The following PRCP variants were observed in gnomAD, a reference collection of about 807,000 sequenced individuals.
PRCP encodes lysosomal Pro-X carboxypeptidase.
Under a neutral mutation model 54.2 loss-of-function variants are expected in PRCP, and 46 were observed. The observed-to-expected ratio is 0.85, with a 90% CI of 0.67 to 1.09. PRCP has a LOEUF of 1.09. Ranked by LOEUF, PRCP falls within the 50% of genes least tolerant of loss-of-function variation. The probability of loss-of-function intolerance (pLI) is 0.00; values close to 1 mark genes in which losing one functional copy is unlikely to be tolerated. For synonymous variants in PRCP, 240 were observed against 212.2 expected, an observed-to-expected ratio of 1.13 and a Z score of -1.14; for missense variants, 613 against 596.8, an observed-to-expected ratio of 1.03 and a Z score of -0.28.
chr11:82,849,972 T>C lies in PRCP; in HGVS notation c.693A>G (p.Pro231=). The change falls in exon 5 of 9, where the codon CCA becomes CCG. Residue 231 remains proline, a synonymous_variant. Transcript: ENST00000313010. ...IVTTDFRKSG[P]HCSESIHRSW... The stretch of plus-strand genomic sequence containing the variant: ...ACCTGTGGATGCTCTCTGAACAATG[T>C]GGACCGCTTTTCCTAAAATCTGTAG... The C allele has an allele frequency of 1.3e-6, 2 of 1,545,810 alleles. No homozygotes were observed. Among genetic ancestry groups the C allele is most frequent in the Non-Finnish European group, 8.7e-7 (1 of 1,143,988 alleles).
At chr11:82,899,503 A>C (rs1860201729) in intron 1 of PRCP, among the ~76,000 whole-genome samples, 1 of 152,236 alleles carries the variant, frequency 6.6e-6, no homozygotes, top group South Asian at 2.1e-4. Context: ...CTGAACTGTA[A>C]GGATTACTTG....
chr11:82,847,962 A>C (rs1327665206), intron 6 of PRCP, among the ~76,000 whole-genome samples: 1 of 152,210 alleles, frequency 6.6e-6, no homozygotes, highest in East Asian at 1.9e-4. Context: ...GTTGAAATTC[A>C]TTCTAATTCA....
chr11:82,890,709 C>T (rs528656399), intron 1 of PRCP, among the ~76,000 whole-genome samples: 126 of 152,364 alleles, frequency 8.3e-4, no homozygotes, highest in Admixed American at 2.0e-3. Context: ...TCCAATGAGG[C>T]TTTCGCCTCC....
chr11:82,883,325 C>G (rs1433683926), intron 1 of PRCP, among the ~76,000 whole-genome samples: 1 of 152,124 alleles, frequency 6.6e-6, no homozygotes, highest in South Asian at 2.1e-4. Flanking sequence ...GAAAGATGAA[C>G]AGGAGTTTGC....
intron 1 of PRCP, among the ~76,000 whole-genome samples, chr11:82,869,927 G>A (rs1360715448): frequency 6.6e-6 from 1 of 152,228 alleles, no homozygotes; most frequent in East Asian, 1.9e-4. Flanking sequence ...GACTGCTGAG[G>A]AAGCAGGAAA....
intron 1 of PRCP, among the ~76,000 whole-genome samples, chr11:82,884,490 G>A (rs776053042): frequency 2.6e-5 from 4 of 152,118 alleles, no homozygotes; most frequent in East Asian, 1.9e-4. Context: ...CCGGGATGTC[G>A]AGGCTGCAGT....
chr11:82,848,347 C>G (rs894643067), intron 6 of PRCP, among the ~76,000 whole-genome samples: 2 of 152,190 alleles, frequency 1.3e-5, no homozygotes, highest in Non-Finnish European at 2.9e-5. Flanking sequence ...TGTAATGTGT[C>G]CTTATACTTT....
chr11:82,891,134 C>A (rs1256868767), intron 1 of PRCP, among the ~76,000 whole-genome samples: 3 of 152,154 alleles, frequency 2.0e-5, no homozygotes, highest in Non-Finnish European at 4.4e-5. Context: ...TCCTTCCTTC[C>A]CCAAACCTAC....
intron 2 of PRCP, among the ~76,000 whole-genome samples, chr11:82,859,565 T>TATGCTTG (rs1443403626): frequency 3.3e-5 from 5 of 152,140 alleles, no homozygotes; most frequent in African/African-American, 1.2e-4. Flanking sequence ...GTTTCCCTTA[T>TATGCTTG]ATGCTTGTTC....
chr11:82,849,164 G>A lies in PRCP; in HGVS notation c.806C>T (p.Ser269Phe), dbSNP rs1858883885. 4.3e-6 allele frequency: 7 copies of A among 1,614,106 alleles called. No homozygotes were observed. The highest frequency in any genetic ancestry group is 5.9e-6 in the Non-Finnish European group (7 of 1,179,978). The change falls in exon 6 of 9, where the codon TCT becomes TTT. Residue 269 changes from serine (S) to phenylalanine (F), a missense_variant. Physicochemically the swap from Ser to Phe is radical, Grantham distance 155. Transcript: ENST00000313010. Reference protein sequence around the residue: ...GALHLCSPLTSQDIQHLKDWI... With the variant: ...GALHLCSPLTFQDIQHLKDWI... Reference sequence around the variant, plus strand: ...GTCTTTCAAATGTTGGATGTCCTGAGAAGTTAATGGGCTGCATAAGTGAAG... The same window carrying A: ...GTCTTTCAAATGTTGGATGTCCTGAAAAGTTAATGGGCTGCATAAGTGAAG...
At chr11:82,872,968 T>C (rs1859513857) in intron 1 of PRCP, among the ~76,000 whole-genome samples, 1 of 151,894 alleles carries the variant, frequency 6.6e-6, no homozygotes, top group African/African-American at 2.4e-5. Context: ...AGAATGGTAC[T>C]GGATGAGGCT....
intron 1 of PRCP, among the ~76,000 whole-genome samples, chr11:82,881,049 C>G (rs1475151998): frequency 1.3e-5 from 2 of 152,174 alleles, no homozygotes; most frequent in African/African-American, 4.8e-5. Flanking sequence ...GCTTTTGCTT[C>G]CAGGTCTTAC....
chr11:82,892,897 T>C (rs1197129879), intron 1 of PRCP, among the ~76,000 whole-genome samples: 3 of 152,184 alleles, frequency 2.0e-5, no homozygotes, highest in Non-Finnish European at 2.9e-5. Flanking sequence ...CTTCAGGGTA[T>C]AGTCATCTAT....
intron 1 of PRCP, among the ~76,000 whole-genome samples, chr11:82,862,453 T>C (rs1859228005): frequency 1.3e-5 from 2 of 152,322 alleles, no homozygotes; most frequent in East Asian, 3.9e-4. Flanking sequence ...GCACCCAGTC[T>C]GGGTCAGACA....
chr11:82,891,515 C>T (rs918619512), intron 1 of PRCP, among the ~76,000 whole-genome samples: 8 of 152,190 alleles, frequency 5.3e-5, no homozygotes, highest in Non-Finnish European at 8.8e-5. Flanking sequence ...TTCTGATTTA[C>T]GGCCAAATTC....
chr11:82,845,034 T>TA (rs11348532), intron 6 of PRCP, among the ~76,000 whole-genome samples: 2,380 of 116,740 alleles, frequency 0.02, 59 homozygotes, highest in African/African-American at 0.073. Flanking sequence ...TATGTAATAG[T>TA]AAAAAAAAAA....
intron 1 of PRCP, chr11:82,884,816 C>T (rs771418957): frequency 1.2e-6 from 2 of 1,612,198 alleles, no homozygotes; most frequent in South Asian, 1.1e-5. Context: ...AAAAAAATAA[C>T]ACCTACCAGA....
intron 8 of PRCP, chr11:82,827,529 A>T (rs995694303): frequency 1.3e-5 from 2 of 152,154 alleles, no homozygotes; most frequent in African/African-American, 4.8e-5. Context: ...TTCTTTTCTC[A>T]ATGAATTGTC....
intron 8 of PRCP, chr11:82,826,060 A>G (rs1173355649): frequency 3.9e-5 from 6 of 152,194 alleles, no homozygotes; most frequent in Non-Finnish European, 7.3e-5. Context: ...CAGCACCACA[A>G]TCCATTTTAG....
Sources: allele counts gnomAD v4.1 joint callset (sites outside exome capture counted in the v4.1 genomes callset), GRCh38; gene constraint gnomAD v4.1.1; transcripts MANE v1.5; gene names NCBI Gene and HGNC (gene_info 2026-07-23, HGNC 2026-07-21).